DYSF: variants seen among roughly 807,000 people sequenced by gnomAD.
DYSF encodes the protein dystrophy-associated fer-1-like 1.
A neutral mutation model predicts 274.9 loss-of-function variants in DYSF; 212 were observed. That is an observed-to-expected ratio of 0.77 (90% CI 0.69 to 0.86). The LOEUF is 0.86. DYSF is among the 40% of genes least tolerant of loss of function. The pLI, the probability that DYSF is intolerant of heterozygous loss-of-function variation, is 0.00. For missense variants in DYSF, 2,666 were observed against 2,783.2 expected (o/e 0.96, Z 0.95); for synonymous variants, 1,091 against 1,078.7 (o/e 1.01, Z -0.22).
chr2:71,497,567 CAATT>C (rs1304889051), intron 3 of DYSF, among the ~76,000 whole-genome samples: 3 of 152,172 alleles, frequency 2.0e-5, no homozygotes, highest in African/African-American at 7.2e-5. Flanking sequence ...AACTGTGAGT[CAATT>C]AAACCTCTTT....
At chr2:71,464,009 C>T (rs1348897898), upstream of DYSF, among the ~76,000 whole-genome samples, 1 of 152,084 alleles carries the variant, frequency 6.6e-6, no homozygotes, top group Non-Finnish European at 1.5e-5. Context: ...CTAGAGAAGG[C>T]GTTGTGATGA....
chr2:71,571,110 ACACAGATCACACC>A lies in DYSF; in HGVS notation c.3228+385_3228+397del, dbSNP rs1304541147. Among the ~76,000 whole-genome samples, 187 of 148,096 alleles carry A rather than the reference ACACAGATCACACC, an allele frequency of 1.3e-3. 2 individuals are homozygous for A. Among genetic ancestry groups the A allele is most frequent in the East Asian group, 9.5e-3 (47 of 4,948 alleles). On this transcript the variant is annotated intron_variant, in intron 29 of 55. Transcript: ENST00000410020. ...AGCACACACACAGATCACACCCAGC[ACACAGATCACACC>A]CACAGATCACACCCAGCGCATGCAC... is the stretch of plus-strand genomic sequence containing the variant.
At chr2:71,475,324 A>G (rs2152667315) in intron 1 of DYSF, among the ~76,000 whole-genome samples, 1 of 152,326 alleles carries the variant, frequency 6.6e-6, no homozygotes, top group African/African-American at 2.4e-5. Flanking sequence ...GGACCCATTC[A>G]TTCAGCACCC....
intron 32 of DYSF, 118 bp from the exon 33 acceptor site, chr2:71,598,446 C>A: frequency 8.2e-7 from 1 of 1,225,582 alleles, no homozygotes; most frequent in Non-Finnish European, 1.2e-6. Context: ...AATGTTGTTG[C>A]TCCAGAGTGG....
rs958636482 is a variant in DYSF at position 71,574,134 on chromosome 2, G to A, written c.3229-64G>A. 24 of 1,585,340 alleles carry A rather than the reference G, an allele frequency of 1.5e-5. No individual in the cohort carries two copies. The Admixed American group carries it at 2.7e-4, about 18-fold the overall frequency. ...TGGAAGACAGGAAGGCAAAGGTGGA[G>A]CCGAGCACAGAACTCCCCCCAGCCT... On this transcript the variant is annotated intron_variant, in intron 29 of 55. Transcript: ENST00000410020.
intron 30 of DYSF, among the ~76,000 whole-genome samples, chr2:71,582,264 G>A (rs2092923114): frequency 6.6e-6 from 1 of 152,108 alleles, no homozygotes; most frequent in African/African-American, 2.4e-5. Flanking sequence ...TTAGCACTTG[G>A]CCCTTTATAG....
intron 29 of DYSF, among the ~76,000 whole-genome samples, chr2:71,572,996 G>A (rs904644552): frequency 2.0e-5 from 3 of 152,278 alleles, no homozygotes; most frequent in Non-Finnish European, 2.9e-5. Context: ...TTGCTCCGGG[G>A]TCACACAGGG....
chr2:71,550,517 C>T (rs542537301), intron 17 of DYSF, among the ~76,000 whole-genome samples: 266 of 151,788 alleles, frequency 1.8e-3, no homozygotes, highest in African/African-American at 6.2e-3. Context: ...GGCTCCATCC[C>T]TGGCCTCCTG....
intron 4 of DYSF, among the ~76,000 whole-genome samples, chr2:71,509,135 C>A (rs1364294446): frequency 6.6e-6 from 1 of 151,704 alleles, no homozygotes; most frequent in Non-Finnish European, 1.5e-5. Flanking sequence ...GGATTACAGG[C>A]GTGAGCCACT....
intron 42 of DYSF, among the ~76,000 whole-genome samples, chr2:71,651,133 T>C (rs1163260406): frequency 6.6e-6 from 1 of 151,210 alleles, no homozygotes; most frequent in Non-Finnish European, 1.5e-5. Flanking sequence ...GAAGCTAGAA[T>C]AATGATAATG....
intron 17 of DYSF, among the ~76,000 whole-genome samples, chr2:71,550,222 T>TTTTA (rs1201346809): frequency 4.6e-5 from 7 of 152,212 alleles, no homozygotes; most frequent in African/African-American, 1.7e-4. Flanking sequence ...CACTGTGGCA[T>TTTTA]TTTAGGGTTT....
Position 71,664,349 on chromosome 2 carries a change from C to T in DYSF, c.5085C>T (p.Asp1695=), listed in dbSNP as rs375326769. 3.4e-5 allele frequency: 55 copies of T among 1,614,050 alleles called. No individual in the cohort carries two copies. The highest frequency in any genetic ancestry group is 1.6e-4 in the Middle Eastern group (1 of 6,084). ...TLYDYDLLSK[D]EKIGETVVDL... The stretch of plus-strand genomic sequence containing the variant: ...ATGACTATGACCTCCTCTCCAAGGA[C>T]GAAAAGATCGGTGAGACGGTCGTCG... The change falls in exon 46 of 56, where the codon GAC becomes GAT. Residue 1695 remains aspartate (D), a synonymous_variant. Transcript: ENST00000410020.
chr2:71,658,887 A>G lies in DYSF; in HGVS notation c.4765A>G (p.Lys1589Glu), dbSNP rs2094826436. 1 of 1,614,176 alleles carries G rather than the reference A, an allele frequency of 6.2e-7. No individual in the cohort carries two copies. Among genetic ancestry groups the G allele is most frequent in the South Asian group, 1.1e-5 (1 of 91,078 alleles). ...CCTTCCTTCTTTTCAGGGCCTCTTC[A>G]AAATTTATCCCCTCCCAGAAGACCC... ...SVIGEFKGLFKIYPLPEDPAI... is the reference protein window; with the variant it reads ...SVIGEFKGLFEIYPLPEDPAI... Residue 1589 changes from lysine (K) to glutamate (E), a missense_variant, in exon 44 of 56, where the codon AAA becomes GAA. Lys to Glu is a moderately conservative substitution (Grantham distance 56, BLOSUM62 1). Transcript: ENST00000410020.
At position 71,676,411 on chromosome 2, in the gene DYSF, G is replaced by A. The variant is rs541622762; in HGVS notation, c.5884+2115G>A. 1.8e-3 allele frequency among the ~76,000 whole-genome samples: 268 copies of A among 151,122 alleles called. 1 individual carries two copies. The highest frequency in any genetic ancestry group is 6.1e-3 in the African/African-American group (251 of 41,122). ...GAACTTTAAAATATATTTATTATCC[G>A]TATTGTGGAATTTTCTTCATGGTTT... On this transcript the variant is annotated intron_variant, in intron 52 of 55. Transcript: ENST00000410020.
chr2:71,487,086 T>G lies in DYSF; in HGVS notation c.239+5116T>G, dbSNP rs761548376. Among the ~76,000 whole-genome samples the G allele has an allele frequency of 4.9e-4, 74 of 152,340 alleles. 1 individual carries two copies. The highest frequency in any genetic ancestry group is 8.5e-4 in the Admixed American group (13 of 15,308). ...GCATCACCTACTCTCCAGGTGCTGG[T>G]GTTTTCATTGCGCAGCCTGGGCTGA... On this transcript the variant is annotated intron_variant, in intron 3 of 55. Coordinates refer to ENST00000410020, the MANE Select transcript of DYSF (RefSeq NM_001130987.2).
intron 17 of DYSF, among the ~76,000 whole-genome samples, chr2:71,540,230 C>T (rs1284521744): frequency 1.3e-5 from 2 of 151,888 alleles, no homozygotes; most frequent in Non-Finnish European, 2.9e-5. Context: ...CCTGCCTCAG[C>T]CTCCCGAGCA....
intron 1 of DYSF, among the ~76,000 whole-genome samples, chr2:71,459,468 C>T (rs2081198008): frequency 1.3e-5 from 2 of 152,122 alleles, no homozygotes; most frequent in Admixed American, 1.3e-4. Flanking sequence ...GAGGGGAAAT[C>T]CTATGTGCAT....
chr2:71,482,740 G>A (rs571537514), intron 3 of DYSF, among the ~76,000 whole-genome samples: 1 of 152,294 alleles, frequency 6.6e-6, no homozygotes, highest in Non-Finnish European at 1.5e-5. Context: ...AACTGCTCAT[G>A]ATGAGCCTTA....
chr2:71,463,297 C>T (rs1469928125), upstream of DYSF, among the ~76,000 whole-genome samples: 2 of 152,184 alleles, frequency 1.3e-5, no homozygotes, highest in Admixed American at 1.3e-4. Context: ...AACTTTGCTC[C>T]ACCCTGGAGT....
Sources: allele counts gnomAD v4.1 joint callset (sites outside exome capture counted in the v4.1 genomes callset), GRCh38; gene constraint gnomAD v4.1.1; transcripts MANE v1.5; gene names NCBI Gene and HGNC (gene_info 2026-07-23, HGNC 2026-07-21).